Variants in KHDRBS2 observed in about 807,000 individuals in gnomAD.
KHDRBS2 encodes the protein KH RNA binding domain containing, signal transduction associated 2.
A neutral mutation model predicts 44.3 loss-of-function variants in KHDRBS2; 26 were observed. The ratio of observed to expected loss-of-function variants is 0.59; its 90% CI spans 0.43 to 0.81. KHDRBS2 has a LOEUF of 0.81. KHDRBS2 is among the 40% of genes least tolerant of loss of function. KHDRBS2 has a pLI of 0.00. For missense variants in KHDRBS2, 476 were observed against 433.1 expected, an observed-to-expected ratio of 1.10 and a Z score of -0.88; for synonymous variants, 194 against 151.1, an observed-to-expected ratio of 1.28 and a Z score of -2.08.
At chr6:62,121,080 C>A (rs1417463515) in intron 2 of KHDRBS2, among the ~76,000 whole-genome samples, 1 of 152,104 alleles carries the variant, frequency 6.6e-6, no homozygotes, top group East Asian at 1.9e-4. Context: ...AGCTCAGGTC[C>A]TACTTAGTGG....
chr6:61,575,655 CAT>C, the KHDRBS2 span, among the ~76,000 whole-genome samples: 1 of 152,132 alleles, frequency 6.6e-6, no homozygotes, highest in African/African-American at 2.4e-5. Flanking sequence ...GCCTTGCACA[CAT>C]GTTTACAGCA....
intron 2 of KHDRBS2, among the ~76,000 whole-genome samples, chr6:62,075,788 C>T (rs1167021757): frequency 6.6e-6 from 1 of 151,638 alleles, no homozygotes; most frequent in Non-Finnish European, 1.5e-5. Flanking sequence ...CACTCAGCCT[C>T]TGTAGGTAAT....
chr6:62,061,955 GT>G (rs1274346507), intron 2 of KHDRBS2, among the ~76,000 whole-genome samples: 1 of 151,644 alleles, frequency 6.6e-6, no homozygotes, highest in Non-Finnish European at 1.5e-5. Flanking sequence ...CTTTCTTCCA[GT>G]TGATCACATC....
chr6:61,771,988 T>C (rs186147819), intron 6 of KHDRBS2, among the ~76,000 whole-genome samples: 19 of 152,166 alleles, frequency 1.2e-4, no homozygotes, highest in African/African-American at 4.1e-4. Context: ...ACAAACTGTA[T>C]CTCAGACCAC....
intron 7 of KHDRBS2, among the ~76,000 whole-genome samples, chr6:61,718,520 T>G (rs1771816712): frequency 6.6e-6 from 1 of 152,114 alleles, no homozygotes; most frequent in Non-Finnish European, 1.5e-5. Context: ...CATCCTGTTC[T>G]CTCCCTAGAG....
At chr6:62,050,992 G>A (rs541034695) in intron 2 of KHDRBS2, among the ~76,000 whole-genome samples, 1 of 152,098 alleles carries the variant, frequency 6.6e-6, no homozygotes, top group Non-Finnish European at 1.5e-5. Flanking sequence ...ACAGACATTT[G>A]AGAAGCCAGA....
At chr6:61,739,152 A>C (rs982575210) in intron 6 of KHDRBS2, among the ~76,000 whole-genome samples, 3 of 151,912 alleles carry the variant, frequency 2.0e-5, no homozygotes, top group Admixed American at 2.0e-4. Flanking sequence ...GTGACTTGCA[A>C]AATTTTTTGC....
intron 4 of KHDRBS2, among the ~76,000 whole-genome samples, chr6:61,912,783 A>G (rs1212523449): frequency 2.0e-5 from 3 of 152,128 alleles, no homozygotes; most frequent in Admixed American, 6.6e-5. Context: ...GTCAGACTCA[A>G]TCCTATTCTG....
intron 4 of KHDRBS2, among the ~76,000 whole-genome samples, chr6:61,961,154 T>C (rs1768617174): frequency 6.6e-6 from 1 of 152,080 alleles, no homozygotes; most frequent in South Asian, 2.1e-4. Context: ...CAACAATAGC[T>C]TTACAATAAA....
chr6:61,573,602 C>G, the KHDRBS2 span, among the ~76,000 whole-genome samples: 127 of 152,176 alleles, frequency 8.3e-4, no homozygotes, highest in African/African-American at 2.9e-3. Flanking sequence ...TCAGCCTAAC[C>G]AACATGGAGA....
intron 6 of KHDRBS2, among the ~76,000 whole-genome samples, chr6:61,855,478 G>A (rs1332811207): frequency 2.9e-5 from 3 of 104,418 alleles, no homozygotes; most frequent in Admixed American, 9.1e-5. Flanking sequence ...AATTTTAGAT[G>A]TGTGTGTATA....
chr6:62,102,790 G>A (rs1479665375), intron 2 of KHDRBS2, among the ~76,000 whole-genome samples: 1 of 152,170 alleles, frequency 6.6e-6, no homozygotes, highest in Non-Finnish European at 1.5e-5. Flanking sequence ...CAATCTGGGA[G>A]TGTGTCACTG....
chr6:61,956,804 A>C (rs1767438974), intron 4 of KHDRBS2, among the ~76,000 whole-genome samples: 1 of 152,164 alleles, frequency 6.6e-6, no homozygotes, highest in African/African-American at 2.4e-5. Flanking sequence ...ACACGTTTTA[A>C]AATGCAAACA....
At chr6:61,954,836 G>GTGTATA (rs1445904774) in intron 4 of KHDRBS2, among the ~76,000 whole-genome samples, 12,534 of 29,108 alleles carry the variant, frequency 0.43, 3,919 homozygotes, top group African/African-American at 0.59. Flanking sequence ...ACATGCATAT[G>GTGTATA]TATGTATACA....
chr6:61,782,721 A>G lies in KHDRBS2; in HGVS notation c.811-49957T>C, dbSNP rs1285608437. Among the ~76,000 whole-genome samples, 264 of 142,192 alleles carry G rather than the reference A, an allele frequency of 1.9e-3. 16 individuals are homozygous for G. The highest frequency in any genetic ancestry group is 2.8e-3 in the Non-Finnish European group (181 of 65,172). 93.3% of individuals were successfully genotyped at this position (142,192 alleles called of 152,430 possible). A position where few individuals can be genotyped will look rare whatever the true frequency, so the allele number is the denominator to read the frequency against. ...TATATATATATATATATATATATATATATATATATATATATATACACACAC... is the reference window on the plus strand; with the variant it reads ...TATATATATATATATATATATATATGTATATATATATATATATACACACAC... On this transcript the variant is annotated intron_variant, in intron 6 of 8. Transcript: ENST00000281156.
intron 4 of KHDRBS2, among the ~76,000 whole-genome samples, chr6:61,966,615 G>A (rs1770003027): frequency 6.6e-6 from 1 of 151,972 alleles, no homozygotes; most frequent in African/African-American, 2.4e-5. Context: ...ATCTTAAGAA[G>A]CCAAAATCCA....
chr6:61,555,134 G>A, the KHDRBS2 span, among the ~76,000 whole-genome samples: 1 of 152,064 alleles, frequency 6.6e-6, no homozygotes, highest in Non-Finnish European at 1.5e-5. Flanking sequence ...TGTCTTTCAG[G>A]AATGCCAATG....
At chr6:62,024,969 T>C (rs926010409) in intron 3 of KHDRBS2, among the ~76,000 whole-genome samples, 2 of 151,626 alleles carry the variant, frequency 1.3e-5, no homozygotes, top group African/African-American at 4.8e-5. Context: ...TATCAACATA[T>C]AAAACAGTCA....
At chr6:62,088,875 GC>G (rs1798940157) in intron 2 of KHDRBS2, among the ~76,000 whole-genome samples, 1 of 152,152 alleles carries the variant, frequency 6.6e-6, no homozygotes, top group African/African-American at 2.4e-5. Context: ...TTATCTATAA[GC>G]CCCTGACTGG....
Sources: allele counts gnomAD v4.1 joint callset (sites outside exome capture counted in the v4.1 genomes callset), GRCh38; gene constraint gnomAD v4.1.1; transcripts MANE v1.5; gene names NCBI Gene and HGNC (gene_info 2026-07-23, HGNC 2026-07-21).